The following CDHR1 variants were observed in gnomAD, a reference collection of about 807,000 sequenced individuals.
CDHR1 encodes the protein cadherin related family member 1.
CDHR1 carries 61 observed loss-of-function variants against 72.1 expected under a neutral mutation model. The observed-to-expected ratio is 0.85, with a 90% CI of 0.69 to 1.05. The LOEUF is 1.05. CDHR1 is among the 50% of genes least tolerant of loss of function. The pLI is 0.00. For synonymous variants in CDHR1, 470 were observed against 448.1 expected, an observed-to-expected ratio of 1.05 and a Z score of -0.62; for missense variants, 1,186 against 1,115.7, an observed-to-expected ratio of 1.06 and a Z score of -0.90.
In CDHR1 at chr10:84,206,505, G is replaced by A. The variant is rs117456797; in HGVS notation, c.963+578G>A. 1.7e-3 allele frequency among the ~76,000 whole-genome samples: 266 copies of A among 152,306 alleles called. 1 individual carries two copies. The East Asian group carries it at 0.024, about 14-fold the overall frequency. The stretch of plus-strand genomic sequence containing the variant: ...TTGGAATTCTTAATAATTTCACCAA[G>A]GGATCCCATATTTTTATTTTTCGCT... On this transcript the variant is annotated intron_variant, in intron 10 of 16. Transcript: ENST00000623527.
chr10:84,217,225 G>A lies in CDHR1; in HGVS notation c.*2604G>A, dbSNP rs1842440092. On this transcript the variant is annotated 3_prime_UTR_variant, in exon 17 of 17. Coordinates refer to ENST00000623527, the MANE Select transcript of CDHR1 (RefSeq NM_033100.4). Reference sequence around the variant, plus strand: ...CTGTCTGCTAGGTCCCAGTAGGACAGGCAGAGCTCCAGGCTGGCACCATGG... The same window carrying A: ...CTGTCTGCTAGGTCCCAGTAGGACAAGCAGAGCTCCAGGCTGGCACCATGG... 3.6e-5 allele frequency: 35 copies of A among 985,404 alleles called. 1 individual carries two copies. In the South Asian group the frequency reaches 1.5e-3, roughly 42 times the overall value. The allele number at this position is 985,404 out of a possible 1,614,324, so 61.0% of individuals were successfully genotyped here.
Position 84,196,589 on chromosome 10 carries a change from G to T in CDHR1, c.236G>T (p.Ser79Ile), listed in dbSNP as rs376895118. The change falls in exon 3 of 17, where the codon AGC (serine) becomes ATC (isoleucine). Residue 79 changes from serine (S) to isoleucine (I), a missense_variant. Transcript: ENST00000623527. Reference protein sequence around the residue: ...YHISFDPSTRSVFSVDPTFGN... With the variant: ...YHISFDPSTRIVFSVDPTFGN... ...ATCAGCTTTGACCCCAGCACTAGAA[G>T]CGTCTTTTCTGTTGACCCCACTTTT... 5 of 1,614,226 alleles carry T rather than the reference G, an allele frequency of 3.1e-6. No homozygotes were observed. Among genetic ancestry groups the T allele is most frequent in the Non-Finnish European group, 2.5e-6 (3 of 1,180,042 alleles).
chr10:84,198,526 T>C lies in CDHR1; in HGVS notation c.349-506T>C, dbSNP rs185052376. Reference sequence around the variant, plus strand: ...TTGCCTTTGCACATACAACCCCTTCTTCCTGGCACAACTTTCTACCTCTTT... The same window carrying C: ...TTGCCTTTGCACATACAACCCCTTCCTCCTGGCACAACTTTCTACCTCTTT... On this transcript the variant is annotated intron_variant, in intron 4 of 16. Transcript: ENST00000623527. 2.4e-3 allele frequency among the ~76,000 whole-genome samples: 365 copies of C among 152,362 alleles called. 1 individual carries two copies. The highest frequency in any genetic ancestry group is 0.018 in the South Asian group (88 of 4,832).
In CDHR1 at chr10:84,199,130, G is replaced by A. The variant is rs1373300319; in HGVS notation, c.438+9G>A. 1 of 1,549,838 alleles carries A rather than the reference G, an allele frequency of 6.5e-7. No individual in the cohort carries two copies. Among genetic ancestry groups the A allele is most frequent in the African/African-American group, 1.4e-5 (1 of 72,986 alleles). On this transcript the variant is annotated intron_variant, in intron 5 of 16. Transcript: ENST00000623527. ...TTGCCCTGGTTCCCGAGGTAAGTGA[G>A]GAGCTGCTAGAGGGGCTGATTTTCC... is the stretch of plus-strand genomic sequence containing the variant.
intron 9 of CDHR1, 50 bp from the exon 10 acceptor site, chr10:84,205,777 C>A (rs149699802): frequency 2.3e-6 from 3 of 1,307,548 alleles, no homozygotes; most frequent in South Asian, 1.2e-5. Flanking sequence ...GACTCCCCTG[C>A]GCCTCCCTGT....
In CDHR1 at chr10:84,214,649, C is replaced by T. The variant is rs1400097275; in HGVS notation, c.*28C>T. Reference sequence around the variant, plus strand: ...TATGCCCTATGACCCCCCATCTTTCCTCCGCCCCTGACCCCCACCACCCTG... The same window carrying T: ...TATGCCCTATGACCCCCCATCTTTCTTCCGCCCCTGACCCCCACCACCCTG... On this transcript the variant is annotated 3_prime_UTR_variant, in exon 17 of 17. Coordinates refer to ENST00000623527, the MANE Select transcript of CDHR1 (RefSeq NM_033100.4). 1 of 1,599,150 alleles carries T rather than the reference C, an allele frequency of 6.3e-7. No individual in the cohort carries two copies. The highest frequency in any genetic ancestry group is 8.5e-7 in the Non-Finnish European group (1 of 1,179,486).
chr10:84,196,846 CCTT>C (rs1267248350), intron 3 of CDHR1, among the ~76,000 whole-genome samples, 196 bp downstream of exon 3: 1 of 152,238 alleles, frequency 6.6e-6, no homozygotes, highest in Non-Finnish European at 1.5e-5. Context: ...TCATGCTCCT[CCTT>C]CACACAGAGC....
chr10:84,214,147 G>T lies in CDHR1; in HGVS notation c.2106G>T (p.Val702=). The T allele has an allele frequency of 6.2e-7, 1 of 1,614,188 alleles. No individual in the cohort carries two copies. Among genetic ancestry groups the T allele is most frequent in the Non-Finnish European group, 8.5e-7 (1 of 1,180,036 alleles). Reference sequence around the variant, plus strand: ...CCAAGGACAACCCCATGAAGGCCGTGGGTGTGCTGGCCGGCACCATGGCCA... The same window carrying T: ...CCAAGGACAACCCCATGAAGGCCGTTGGTGTGCTGGCCGGCACCATGGCCA... ...IQTKDNPMKA[V]GVLAGTMATV... The change falls in exon 17 of 17, where the codon GTG becomes GTT. Residue 702 remains valine, a synonymous_variant. Transcript: ENST00000623527.
chr10:84,197,471 G>A (rs1842048865), intron 3 of CDHR1, among the ~76,000 whole-genome samples: 2 of 152,222 alleles, frequency 1.3e-5, no homozygotes, highest in South Asian at 4.1e-4. Flanking sequence ...GGGACCTTGA[G>A]CACACTAAGG....
chr10:84,202,539 T>A (rs959732528), intron 7 of CDHR1, among the ~76,000 whole-genome samples: 1 of 152,186 alleles, frequency 6.6e-6, no homozygotes, highest in African/African-American at 2.4e-5. Flanking sequence ...CGAGTCAGCC[T>A]CGCCTGCCCA....
intron 15 of CDHR1, 73 bp from the exon 16 acceptor site, chr10:84,213,018 A>G (rs970288380): frequency 6.3e-7 from 1 of 1,580,504 alleles, no homozygotes; most frequent in South Asian, 1.1e-5. Context: ...GCCCCATATG[A>G]CGTGCTGATT....
In CDHR1 at chr10:84,214,794, C is replaced by T; in HGVS notation, c.*173C>T. 1 of 1,541,752 alleles carries T rather than the reference C, an allele frequency of 6.5e-7. No individual in the cohort carries two copies. The highest frequency in any genetic ancestry group is 8.7e-7 in the Non-Finnish European group (1 of 1,151,548). The stretch of plus-strand genomic sequence containing the variant: ...CACCTTCTGGCGCAACAAGAAGTTG[C>T]GCTCTGACAGGGCTCTAGTCAGGGC... On this transcript the variant is annotated 3_prime_UTR_variant, in exon 17 of 17. Coordinates refer to ENST00000623527, the MANE Select transcript of CDHR1 (RefSeq NM_033100.4).
intron 1 of CDHR1, among the ~76,000 whole-genome samples, 174 bp downstream of exon 1, chr10:84,194,989 G>A (rs190655209): frequency 2.0e-5 from 3 of 152,218 alleles, no homozygotes; most frequent in Non-Finnish European, 2.9e-5. Context: ...AGTGGGGAGT[G>A]GGGTAGCGGA....
In CDHR1 at chr10:84,199,047, G is replaced by A. The variant is rs886047324; in HGVS notation, c.364G>A (p.Val122Met). 24 of 1,551,664 alleles carry A rather than the reference G, an allele frequency of 1.5e-5. No homozygotes were observed. In the Middle Eastern group the frequency reaches 6.7e-4, roughly 43 times the overall value. The change falls in exon 5 of 17, where the codon GTG becomes ATG. Residue 122 changes from valine to methionine, a missense_variant. Physicochemically the swap from Val to Met is conservative, Grantham distance 21 (BLOSUM62 1). Transcript: ENST00000623527. ...CCCTTCTCAGGTGGCCGAAAAAGTC[G>A]TGATCCTGGTGACCGATGCCAATGA... Reference protein sequence around the residue: ...DGLNLVAEKVVILVTDANDEA... With the variant: ...DGLNLVAEKVMILVTDANDEA...
At position 84,199,052 on chromosome 10, in the gene CDHR1, C is replaced by T. The variant is rs549918181; in HGVS notation, c.369C>T (p.Ile123=). The T allele has an allele frequency of 1.3e-6, 2 of 1,551,706 alleles. No homozygotes were observed. Among genetic ancestry groups the T allele is most frequent in the Non-Finnish European group, 1.7e-6 (2 of 1,147,020 alleles). Residue 123 remains isoleucine, a synonymous_variant, in exon 5 of 17, where the codon ATC becomes ATT. Coordinates refer to ENST00000623527, the MANE Select transcript of CDHR1 (RefSeq NM_033100.4). ...CTCAGGTGGCCGAAAAAGTCGTGAT[C>T]CTGGTGACCGATGCCAATGATGAGG... ...GLNLVAEKVV[I]LVTDANDEAP... is the part of the protein sequence containing the mutation.
intron 12 of CDHR1, among the ~76,000 whole-genome samples, chr10:84,210,556 T>A (rs1030939184): frequency 1.3e-5 from 2 of 152,192 alleles, no homozygotes; most frequent in South Asian, 4.1e-4. Flanking sequence ...TGTGAGCCAC[T>A]GCGCCTGACC....
At chr10:84,210,637 T>A (rs1006088677) in intron 12 of CDHR1, among the ~76,000 whole-genome samples, 3 of 152,342 alleles carry the variant, frequency 2.0e-5, no homozygotes, top group African/African-American at 7.2e-5. Flanking sequence ...CCCTAGAATG[T>A]CCTTTGGACA....
downstream of CDHR1, chr10:84,219,596 C>T (rs180947648): frequency 8.3e-5 from 20 of 241,484 alleles, no homozygotes; most frequent in Admixed American, 2.7e-4. Flanking sequence ...TAAAGATACC[C>T]GAGACTGGGT....
At chr10:84,204,057 C>A (rs1842179560) in intron 8 of CDHR1, among the ~76,000 whole-genome samples, 2 of 152,224 alleles carry the variant, frequency 1.3e-5, no homozygotes, top group Admixed American at 1.3e-4. Context: ...CCAAACCCTT[C>A]CAGCAGCACC....
Sources: gnomAD v4.1 joint callset for allele counts (sites outside exome capture counted in the v4.1 genomes callset) on GRCh38, gnomAD v4.1.1 for gene constraint, MANE v1.5 for transcripts, NCBI Gene and HGNC (gene_info 2026-07-23, HGNC 2026-07-21) for gene names.